Variants in SLC16A2 observed in about 807,000 individuals in gnomAD.
The protein encoded by SLC16A2 is monocarboxylate transporter 8.
SLC16A2 carries 3 observed loss-of-function variants against 27.2 expected under a neutral mutation model. The ratio of observed to expected loss-of-function variants is 0.11; its 90% CI spans 0.05 to 0.28. The LOEUF is 0.28. Ranked by LOEUF, SLC16A2 falls within the 10% of genes least tolerant of loss-of-function variation. The probability of loss-of-function intolerance (pLI) is 1.00; values close to 1 mark genes in which losing one functional copy is unlikely to be tolerated. For synonymous variants in SLC16A2, 202 were observed against 187.8 expected (o/e 1.08, Z -0.62); for missense variants, 295 against 458.5 (o/e 0.64, Z 3.26).
chrX:74,524,545 G>A lies in SLC16A2; in HGVS notation c.762G>A (p.Gly254=). ...TCCCCTTCCTCATCAGAATGCTGGG[G>A]GATAAGATCAAGCTGGCCCAAACCT... ...MSFPFLIRML[G]DKIKLAQTFQ... is the part of the protein sequence containing the mutation. Residue 254 remains glycine (G), a synonymous_variant, in exon 3 of 6, where the codon GGG becomes GGA. Coordinates refer to ENST00000587091, the MANE Select transcript of SLC16A2 (RefSeq NM_006517.5). 1.7e-6 allele frequency: 2 copies of A among 1,211,194 alleles called. No homozygotes were observed. Among genetic ancestry groups the A allele is most frequent in the South Asian group, 3.5e-5 (2 of 56,902 alleles).
chrX:74,469,021 T>C (rs781458425), intron 1 of SLC16A2, among the ~76,000 whole-genome samples: 3 of 111,724 alleles, frequency 2.7e-5, no homozygotes, highest in Admixed American at 9.6e-5. Flanking sequence ...TTCTACCCTT[T>C]ACCTTCATGA....
At chrX:74,523,084 C>G (rs1358302745) in intron 2 of SLC16A2, among the ~76,000 whole-genome samples, 3 of 112,080 alleles carry the variant, frequency 2.7e-5, no homozygotes, top group Non-Finnish European at 5.6e-5. Flanking sequence ...AGGTCTAACA[C>G]AAGGCCCCTT....
chrX:74,529,758 G>C (rs1247296647), intron 5 of SLC16A2, among the ~76,000 whole-genome samples: 1 of 105,968 alleles, frequency 9.4e-6, no homozygotes, highest in Non-Finnish European at 1.9e-5. Flanking sequence ...CACTGATCTA[G>C]TATCCTCTCA....
At chrX:74,428,518 C>G (rs1928461050) in intron 1 of SLC16A2, among the ~76,000 whole-genome samples, 1 of 111,173 alleles carries the variant, frequency 9.0e-6, no homozygotes, top group African/African-American at 3.3e-5. Flanking sequence ...TCTTTTTCTT[C>G]CTACTGCTCA....
intron 1 of SLC16A2, among the ~76,000 whole-genome samples, chrX:74,446,545 G>A (rs183682558): frequency 9.0e-6 from 1 of 111,629 alleles, no homozygotes; most frequent in Admixed American, 9.6e-5. Context: ...CTCTTGAGCT[G>A]GGAGATTGAG....
intron 1 of SLC16A2, among the ~76,000 whole-genome samples, chrX:74,510,666 T>C (rs1482591650): frequency 7.2e-5 from 8 of 111,672 alleles, no homozygotes; most frequent in African/African-American, 2.3e-4. Context: ...TGAAAGTAAA[T>C]AAACAATAGC....
chrX:74,476,653 T>C (rs1261406041), intron 1 of SLC16A2, among the ~76,000 whole-genome samples: 1 of 112,067 alleles, frequency 8.9e-6, no homozygotes, highest in Non-Finnish European at 1.9e-5. Flanking sequence ...ATACATCCCA[T>C]CAATACCTAA....
rs988768098 is a variant in SLC16A2 at position 74,532,253 on chromosome X, C to G, written c.*700C>G. The G allele has an allele frequency of 8.7e-6, 1 of 114,517 alleles. No homozygotes were observed. Among genetic ancestry groups the G allele is most frequent in the African/African-American group, 3.3e-5 (1 of 30,628 alleles). 9.4% of individuals were successfully genotyped at this position (114,517 alleles called of 1,213,427 possible). A position where few individuals can be genotyped will look rare whatever the true frequency, so the allele number is the denominator to read the frequency against. On this transcript the variant is annotated 3_prime_UTR_variant, in exon 6 of 6. Coordinates refer to ENST00000587091, the MANE Select transcript of SLC16A2 (RefSeq NM_006517.5). ...GGAGGGACCCGGAACTTGGGCCAAT[C>G]AGCCTCACCTTGTCCCAGTCCACTC...
intron 1 of SLC16A2, among the ~76,000 whole-genome samples, chrX:74,519,297 C>T (rs1930365294): frequency 1.8e-5 from 2 of 108,328 alleles, no homozygotes; most frequent in African/African-American, 6.7e-5. Flanking sequence ...CCTGCCTCAG[C>T]CTCGCTAGTA....
intron 1 of SLC16A2, among the ~76,000 whole-genome samples, chrX:74,471,940 A>T (rs1602120145): frequency 1.8e-5 from 2 of 112,394 alleles, no homozygotes; most frequent in African/African-American, 6.5e-5. Context: ...ACTTAGCATA[A>T]TGTCTTCCAG....
chrX:74,427,811 G>GCACACACACACA (rs35510872), intron 1 of SLC16A2, among the ~76,000 whole-genome samples: 9 of 101,726 alleles, frequency 8.8e-5, no homozygotes, highest in African/African-American at 3.2e-4. Flanking sequence ...GCACGCGCGC[G>GCACACACACACA]CACACACACA....
At chrX:74,458,324 T>C (rs1448130960) in intron 1 of SLC16A2, among the ~76,000 whole-genome samples, 2 of 112,039 alleles carry the variant, frequency 1.8e-5, no homozygotes, top group Admixed American at 1.9e-4. Context: ...GTTAGTATTG[T>C]TTTGGTGTGG....
At chrX:74,497,187 C>A (rs1257761517) in intron 1 of SLC16A2, among the ~76,000 whole-genome samples, 1 of 111,884 alleles carries the variant, frequency 8.9e-6, no homozygotes. Context: ...TCCATAGGCA[C>A]AGGTCCGGGG....
intron 1 of SLC16A2, among the ~76,000 whole-genome samples, chrX:74,430,139 C>T (rs1928508464): frequency 8.9e-6 from 1 of 112,559 alleles, no homozygotes; most frequent in Non-Finnish European, 1.9e-5. Flanking sequence ...AGGCACTATA[C>T]TAAGCACTTT....
chrX:74,529,183 C>A, intron 4 of SLC16A2, 30 bp from the exon 5 acceptor site: 5 of 1,115,486 alleles, frequency 4.5e-6, no homozygotes, highest in Non-Finnish European at 3.7e-6. Context: ...CTGGCCAGCA[C>A]AACCTGACCT....
chrX:74,529,413 G>A lies in SLC16A2; in HGVS notation c.1371G>A (p.Leu457=), dbSNP rs754531865. ...AIGYLLGMMA[L]PMIAGPPIAG... is the part of the protein sequence containing the mutation. ...GCTACCTCCTGGGCATGATGGCCCT[G>A]CCAATGATTGCTGGGCCCCCCATTG... Residue 457 remains leucine, a synonymous_variant, in exon 5 of 6, where the codon CTG becomes CTA. Coordinates refer to ENST00000587091, the MANE Select transcript of SLC16A2 (RefSeq NM_006517.5). 3.4e-6 allele frequency: 4 copies of A among 1,181,128 alleles called. No homozygotes were observed. Among genetic ancestry groups the A allele is most frequent in the South Asian group, 1.9e-5 (1 of 53,718 alleles).
intron 1 of SLC16A2, among the ~76,000 whole-genome samples, chrX:74,464,048 T>G (rs763748704): frequency 8.9e-6 from 1 of 112,505 alleles, no homozygotes; most frequent in South Asian, 3.7e-4. Flanking sequence ...TTTACTCTTT[T>G]TGTCTAGAGA....
intron 1 of SLC16A2, among the ~76,000 whole-genome samples, chrX:74,443,504 T>C (rs939713035): frequency 8.9e-6 from 1 of 112,051 alleles, no homozygotes; most frequent in Non-Finnish European, 1.9e-5. Flanking sequence ...CCCAGTCAGC[T>C]CGGGCTGAGT....
At chrX:74,452,913 C>G (rs1248132769) in intron 1 of SLC16A2, among the ~76,000 whole-genome samples, 2 of 111,308 alleles carry the variant, frequency 1.8e-5, no homozygotes, top group South Asian at 7.6e-4. Flanking sequence ...CAATTCAGTT[C>G]AAGATTTCCA....
Sources: allele counts gnomAD v4.1 joint callset (sites outside exome capture counted in the v4.1 genomes callset), GRCh38; gene constraint gnomAD v4.1.1; transcripts MANE v1.5; gene names NCBI Gene and HGNC (gene_info 2026-07-23, HGNC 2026-07-21).